The following SLC6A17 variants were observed in gnomAD, a reference collection of about 807,000 sequenced individuals.
SLC6A17 encodes sodium-dependent neutral amino acid transporter SLC6A17.
Under a neutral mutation model 64.5 loss-of-function variants are expected in SLC6A17, and 21 were observed. The ratio of observed to expected loss-of-function variants is 0.33; its 90% CI spans 0.23 to 0.47. The LOEUF is 0.47. Ranked by LOEUF, SLC6A17 falls within the 20% of genes least tolerant of loss-of-function variation. The pLI, the probability that SLC6A17 is intolerant of heterozygous loss-of-function variation, is 1.00. For missense variants in SLC6A17, 682 were observed against 963.2 expected (o/e 0.71, Z 3.86); for synonymous variants, 372 against 399.5 (o/e 0.93, Z 0.82).
chr1:110,183,527 G>A (rs1032828179), intron 6 of SLC6A17, among the ~76,000 whole-genome samples: 4 of 152,208 alleles, frequency 2.6e-5, no homozygotes, highest in Non-Finnish European at 5.9e-5. Context: ...TTGGGGTGAT[G>A]AAGAGGTTTT....
At chr1:110,160,662 C>T (rs879320289) in intron 1 of SLC6A17, among the ~76,000 whole-genome samples, 5 of 152,188 alleles carry the variant, frequency 3.3e-5, no homozygotes, top group Admixed American at 6.5e-5. Flanking sequence ...CTCACAGACT[C>T]GCAGGAGTTG....
intron 6 of SLC6A17, among the ~76,000 whole-genome samples, chr1:110,179,532 T>TC (rs1557836352): frequency 1.5e-5 from 1 of 67,938 alleles, no homozygotes; most frequent in African/African-American, 6.2e-5. Flanking sequence ...CCCCTTCCCC[T>TC]CCCCTCCCCT....
rs547471628 is a variant in SLC6A17, at chr1:110,150,787, C to G, written c.-184C>G. 6.6e-6 allele frequency: 1 copy of G among 152,086 alleles called. No individual in the cohort carries two copies. Among genetic ancestry groups the G allele is most frequent in the South Asian group, 2.1e-4 (1 of 4,820 alleles). 9.4% of individuals were successfully genotyped at this position (152,086 alleles called of 1,614,324 possible). A position where few individuals can be genotyped will look rare whatever the true frequency, so the allele number is the denominator to read the frequency against. ...CCCAGCCCCAGCCGGGGGCCTGTGG[C>G]CCGGGGGAGGAGCTGTGCGTCCGCG... On this transcript the variant is annotated 5_prime_UTR_variant, in exon 1 of 12. Coordinates refer to ENST00000331565, the MANE Select transcript of SLC6A17 (RefSeq NM_001010898.4).
intron 8 of SLC6A17, among the ~76,000 whole-genome samples, chr1:110,194,332 C>A (rs889441977): frequency 2.6e-5 from 4 of 152,234 alleles, no homozygotes; most frequent in African/African-American, 9.6e-5. Context: ...GCTCCTGGTA[C>A]AACCCGTAGA....
intron 2 of SLC6A17, among the ~76,000 whole-genome samples, chr1:110,170,441 G>A (rs1247551684): frequency 5.9e-5 from 9 of 152,290 alleles, no homozygotes; most frequent in East Asian, 1.9e-4. Flanking sequence ...CCGAGATCGC[G>A]CCACTGCCCT....
At chr1:110,173,456 G>A (rs1656293690) in intron 3 of SLC6A17, among the ~76,000 whole-genome samples, 1 of 152,240 alleles carries the variant, frequency 6.6e-6, no homozygotes, top group African/African-American at 2.4e-5. Context: ...TAGTTATTGT[G>A]TTTCCAAGAA....
At chr1:110,189,744 C>T (rs1215900634) in intron 6 of SLC6A17, among the ~76,000 whole-genome samples, 3 of 152,212 alleles carry the variant, frequency 2.0e-5, no homozygotes, top group Admixed American at 2.0e-4. Context: ...ACACCATCCT[C>T]TGTCCTATCT....
At chr1:110,194,983 C>A (rs1471334001) in intron 9 of SLC6A17, 2 of 642,996 alleles carry the variant, frequency 3.1e-6, no homozygotes, top group Non-Finnish European at 5.4e-6. Flanking sequence ...CAAACATGAG[C>A]CGGGAGGCCT....
At chr1:110,193,882 CACTT>C (rs1656891945) in intron 8 of SLC6A17, among the ~76,000 whole-genome samples, 1 of 152,248 alleles carries the variant, frequency 6.6e-6, no homozygotes, top group Non-Finnish European at 1.5e-5. Flanking sequence ...ATTATACACT[CACTT>C]AGTGGGGAAG....
At chr1:110,174,669 C>T in intron 4 of SLC6A17, 110 bp from the exon 5 acceptor site, 1 of 1,367,096 alleles carries the variant, frequency 7.3e-7, no homozygotes, top group Non-Finnish European at 1.0e-6. Flanking sequence ...TCCCAGCTGC[C>T]CACCCTCAGC....
chr1:110,181,739 G>T (rs1393521383), intron 6 of SLC6A17, among the ~76,000 whole-genome samples: 5 of 152,200 alleles, frequency 3.3e-5, no homozygotes, highest in Non-Finnish European at 7.3e-5. Context: ...CAGGGAGCAG[G>T]CTATGTGGAT....
chr1:110,175,628 G>A (rs1477027598), intron 5 of SLC6A17, among the ~76,000 whole-genome samples: 3 of 152,166 alleles, frequency 2.0e-5, no homozygotes, highest in Non-Finnish European at 4.4e-5. Context: ...CCCAGAGAGG[G>A]GAAAGCACCT....
intron 1 of SLC6A17, among the ~76,000 whole-genome samples, chr1:110,163,949 C>G (rs1655983619): frequency 6.6e-6 from 1 of 152,148 alleles, no homozygotes; most frequent in African/African-American, 2.4e-5. Flanking sequence ...CACCTGCCAG[C>G]TTGCTCCACC....
At chr1:110,195,515 G>T (rs1004515384) in intron 9 of SLC6A17, 71 bp from the exon 10 acceptor site, 88 of 1,569,054 alleles carry the variant, frequency 5.6e-5, no homozygotes, top group Non-Finnish European at 7.6e-5. Flanking sequence ...GGGCCTGGGT[G>T]CCCCCGAGAC....
intron 6 of SLC6A17, among the ~76,000 whole-genome samples, chr1:110,184,742 G>A (rs1656633964): frequency 6.6e-6 from 1 of 152,144 alleles, no homozygotes; most frequent in South Asian, 2.1e-4. Context: ...GTGGACAGTA[G>A]GGAAAAAGAG....
intron 6 of SLC6A17, among the ~76,000 whole-genome samples, chr1:110,186,284 G>A (rs1656682095): frequency 2.0e-5 from 3 of 152,062 alleles, no homozygotes; most frequent in African/African-American, 7.3e-5. Context: ...TGACCCTGAA[G>A]TGTGACTAGG....
rs2100959638 is a variant in SLC6A17, at chr1:110,201,654, C to G, written c.*3210C>G. 6.6e-6 allele frequency: 1 copy of G among 152,618 alleles called. No homozygotes were observed. The highest frequency in any genetic ancestry group is 1.9e-4 in the East Asian group (1 of 5,184). The allele number at this position is 152,618 out of a possible 1,614,324, so 9.5% of individuals were successfully genotyped here. On this transcript the variant is annotated 3_prime_UTR_variant, in exon 12 of 12. Coordinates refer to ENST00000331565, the MANE Select transcript of SLC6A17 (RefSeq NM_001010898.4). ...AGCAATACATGTGCAGGGGTTGCTGCTTTCCCAGTGCCAGGAGAACCCCCG... is the reference window on the plus strand; with the variant it reads ...AGCAATACATGTGCAGGGGTTGCTGGTTTCCCAGTGCCAGGAGAACCCCCG...
Position 110,199,887 on chromosome 1 carries a change from G to GTGGATGGATGGATAGATGGA in SLC6A17, c.*1457_*1476dup. ...TGGATGGATGGGTTGGGGAGTGGGG[G>GTGGATGGATGGATAGATGGA]TGGATGGATGGATAGATGGATGGAT... On this transcript the variant is annotated 3_prime_UTR_variant, in exon 12 of 12. Transcript: ENST00000331565. The GTGGATGGATGGATAGATGGA allele has an allele frequency of 2.6e-6, 1 of 389,018 alleles. No homozygotes were observed. Among genetic ancestry groups the GTGGATGGATGGATAGATGGA allele is most frequent in the Non-Finnish European group, 4.5e-6 (1 of 221,200 alleles). 24.1% of individuals were successfully genotyped at this position (389,018 alleles called of 1,614,324 possible).
In SLC6A17 at chr1:110,169,220, C is replaced by T. The variant is rs78580381; in HGVS notation, c.286+2005C>T. Among the ~76,000 whole-genome samples the T allele has an allele frequency of 8.2e-4, 125 of 152,264 alleles. No individual in the cohort carries two copies. In the East Asian group the frequency reaches 0.019, roughly 24 times the overall value. ...CTCTGGAACACTCTCCTTAGCTCCA[C>T]GAAATGTTGACATCTTCCTAGTTTG... On this transcript the variant is annotated intron_variant, in intron 2 of 11. Coordinates refer to ENST00000331565, the MANE Select transcript of SLC6A17 (RefSeq NM_001010898.4).
Sources: gnomAD v4.1 joint callset for allele counts (sites outside exome capture counted in the v4.1 genomes callset) on GRCh38, gnomAD v4.1.1 for gene constraint, MANE v1.5 for transcripts, NCBI Gene and HGNC (gene_info 2026-07-23, HGNC 2026-07-21) for gene names.